Variants in DPYD observed in about 807,000 individuals in gnomAD.
DPYD encodes the protein dihydropyrimidine dehydrogenase [NADP(+)].
A neutral mutation model predicts 116.2 loss-of-function variants in DPYD; 109 were observed. The ratio of observed to expected loss-of-function variants is 0.94; its 90% confidence interval spans 0.80 to 1.10. DPYD has a LOEUF of 1.10. Among genes scored for constraint, DPYD ranks in the 50% least tolerant of loss-of-function variants. The pLI is 0.00. For synonymous variants in DPYD, 440 were observed against 432.0 expected (o/e 1.02, Z -0.23); for missense variants, 1,302 against 1,254.5 (o/e 1.04, Z -0.57).
At chr1:97,908,774 G>A (rs1673774259) in intron 1 of DPYD, among the ~76,000 whole-genome samples, 1 of 151,980 alleles carries the variant, frequency 6.6e-6, no homozygotes, top group Non-Finnish European at 1.5e-5. Context: ...TCAATCCATG[G>A]AGCGTATCAC....
chr1:97,598,633 G>A (rs1655042388), intron 8 of DPYD, among the ~76,000 whole-genome samples: 1 of 147,052 alleles, frequency 6.8e-6, no homozygotes, highest in African/African-American at 2.5e-5. Flanking sequence ...GGGAGGGAGG[G>A]AGGAACGAAG....
chr1:97,227,331 C>CAAAAAAA (rs60992225), intron 19 of DPYD, among the ~76,000 whole-genome samples: 61 of 26,382 alleles, frequency 2.3e-3, no homozygotes, highest in East Asian at 4.3e-3. Flanking sequence ...GACTCTATCT[C>CAAAAAAA]AAAAAAAAAA....
At chr1:97,885,265 C>T (rs942225861) in intron 1 of DPYD, among the ~76,000 whole-genome samples, 1 of 151,782 alleles carries the variant, frequency 6.6e-6, no homozygotes, top group African/African-American at 2.4e-5. Context: ...TTATTGAGAT[C>T]CACAGAGAAC....
intron 8 of DPYD, among the ~76,000 whole-genome samples, chr1:97,640,143 G>A (rs1445034475): frequency 6.6e-6 from 1 of 152,064 alleles, no homozygotes; most frequent in Non-Finnish European, 1.5e-5. Flanking sequence ...AAGTTACGTA[G>A]TGACTTACAG....
intron 20 of DPYD, among the ~76,000 whole-genome samples, chr1:97,122,145 T>C (rs143818404): frequency 1.6e-3 from 241 of 152,296 alleles, no homozygotes; most frequent in African/African-American, 5.5e-3. Flanking sequence ...ATTAGCCTCA[T>C]GTAGCCTACT....
At chr1:97,673,545 C>T (rs1242503695) in intron 8 of DPYD, among the ~76,000 whole-genome samples, 2 of 152,132 alleles carry the variant, frequency 1.3e-5, no homozygotes, top group Non-Finnish European at 2.9e-5. Flanking sequence ...CGCCACTTTG[C>T]TAGGCACCAA....
At chr1:97,784,634 T>G (rs1046926360) in intron 3 of DPYD, among the ~76,000 whole-genome samples, 1 of 152,194 alleles carries the variant, frequency 6.6e-6, no homozygotes, top group African/African-American at 2.4e-5. Context: ...GGAAGCACTC[T>G]CTCTCATAAA....
intron 14 of DPYD, among the ~76,000 whole-genome samples, chr1:97,428,156 G>C (rs1026013395): frequency 1.3e-5 from 2 of 152,058 alleles, no homozygotes; most frequent in African/African-American, 2.4e-5. Flanking sequence ...CTCTAGGAGA[G>C]TGACCTTGCC....
rs1320797073 is a variant in DPYD, at chr1:97,573,768, T to C, written c.1331A>G (p.Asp444Gly). ...VISAFGSVLS[D>G]PKVKEALSPI... Reference sequence around the variant, plus strand: ...AGCTCCCAGCACTGTACCTTTAGGATCACTCAGAACTGAACCAAAGGCACT... The same window carrying C: ...AGCTCCCAGCACTGTACCTTTAGGACCACTCAGAACTGAACCAAAGGCACT... The change falls in exon 11 of 23, where the codon GAT (aspartate) becomes GGT (glycine). Residue 444 changes from aspartate to glycine, a missense_variant. Transcript: ENST00000370192. 5 of 1,613,404 alleles carry C rather than the reference T, an allele frequency of 3.1e-6. No homozygotes were observed. The South Asian group carries it at 5.5e-5, about 18-fold the overall frequency.
At chr1:97,303,787 C>A (rs1666998464) in intron 18 of DPYD, among the ~76,000 whole-genome samples, 1 of 151,938 alleles carries the variant, frequency 6.6e-6, no homozygotes, top group Non-Finnish European at 1.5e-5. Context: ...AATGAAAGTT[C>A]TACCCAGGCT....
chr1:97,648,062 T>A (rs1163780021), intron 8 of DPYD, among the ~76,000 whole-genome samples: 1 of 152,048 alleles, frequency 6.6e-6, no homozygotes, highest in Non-Finnish European at 1.5e-5. Context: ...AACCTTGTAG[T>A]CATAATAAGC....
intron 18 of DPYD, among the ~76,000 whole-genome samples, chr1:97,238,173 T>C (rs1041837231): frequency 1.3e-5 from 2 of 152,168 alleles, no homozygotes; most frequent in Middle Eastern, 3.2e-3. Flanking sequence ...TTTTATAATG[T>C]ACCTAATGAA....
rs1313096203 is a variant in DPYD, at chr1:97,586,483, T to C, written c.1128+6735A>G. 1.1e-3 allele frequency among the ~76,000 whole-genome samples: 98 copies of C among 90,854 alleles called. 2 individuals are homozygous for C. Among genetic ancestry groups the C allele is most frequent in the East Asian group, 6.5e-3 (21 of 3,224 alleles). The allele number at this position is 90,854 out of a possible 152,430, so 59.6% of individuals were successfully genotyped here. A position where few individuals can be genotyped will look rare whatever the true frequency, so the allele number is the denominator to read the frequency against. On this transcript the variant is annotated intron_variant, in intron 10 of 22. Transcript: ENST00000370192. Reference sequence around the variant, plus strand: ...ATACATACATATATATATATATATATATATATATATATATATATATATATA... The same window carrying C: ...ATACATACATATATATATATATATACATATATATATATATATATATATATA...
At chr1:97,437,681 G>A (rs1007596283) in intron 14 of DPYD, among the ~76,000 whole-genome samples, 1 of 151,864 alleles carries the variant, frequency 6.6e-6, no homozygotes, top group African/African-American at 2.4e-5. Flanking sequence ...CTTTCAGTCT[G>A]TCATCTGTAT....
chr1:97,678,026 C>T (rs971617726), intron 8 of DPYD, among the ~76,000 whole-genome samples: 3 of 152,076 alleles, frequency 2.0e-5, no homozygotes, highest in Non-Finnish European at 4.4e-5. Context: ...AACAATTTAA[C>T]ACAGTGGTCC....
chr1:97,542,417 T>C (rs1650513219), intron 12 of DPYD, among the ~76,000 whole-genome samples: 1 of 152,218 alleles, frequency 6.6e-6, no homozygotes, highest in Non-Finnish European at 1.5e-5. Flanking sequence ...GCTTGTACCC[T>C]GGTCTGGGTA....
At chr1:97,762,942 G>A in intron 3 of DPYD, among the ~76,000 whole-genome samples, 1 of 151,958 alleles carries the variant, frequency 6.6e-6, no homozygotes, top group African/African-American at 2.4e-5. Context: ...TGTATTAAGT[G>A]GCATAAAAAG....
intron 17 of DPYD, 112 bp downstream of exon 17, chr1:97,306,065 A>C: frequency 6.4e-7 from 1 of 1,567,956 alleles, no homozygotes; most frequent in Non-Finnish European, 8.7e-7. Context: ...AACTTTTAAA[A>C]TTGAGACAAA....
intron 18 of DPYD, among the ~76,000 whole-genome samples, chr1:97,291,952 A>G (rs1354735404): frequency 6.6e-6 from 1 of 152,156 alleles, no homozygotes; most frequent in Non-Finnish European, 1.5e-5. Context: ...TTTTCATTTC[A>G]TTCTCCTTAA....
Sources: allele counts gnomAD v4.1 joint callset (sites outside exome capture counted in the v4.1 genomes callset), GRCh38; gene constraint gnomAD v4.1.1; transcripts MANE v1.5; gene names NCBI Gene and HGNC (gene_info 2026-07-23, HGNC 2026-07-21).